NR2F1-AS1: variants seen among roughly 807,000 people sequenced by gnomAD.
NR2F1-AS1 encodes the protein NR2F1 antisense RNA 1.
At chr5:93,520,839 T>C (rs1235185406) in intron 4 of NR2F1-AS1, among the ~76,000 whole-genome samples, 2 of 152,198 alleles carry the variant, frequency 1.3e-5, no homozygotes, top group Non-Finnish European at 2.9e-5. Context: ...AAGAAAGCTG[T>C]GATTTTTCTA....
At chr5:93,583,502 A>T (rs1341173883), upstream of NR2F1-AS1, 1 of 151,316 alleles carries the variant, frequency 6.6e-6, no homozygotes, top group Non-Finnish European at 1.5e-5. Flanking sequence ...CCATTCCTGC[A>T]GAAGAGAGAG....
chr5:93,530,439 G>A (rs1211019485), intron 4 of NR2F1-AS1, among the ~76,000 whole-genome samples: 3 of 152,064 alleles, frequency 2.0e-5, no homozygotes. Context: ...CGAATCTCTG[G>A]TTCCACCAAG....
intron 1 of NR2F1-AS1, among the ~76,000 whole-genome samples, chr5:93,564,746 G>A (rs1031060099): frequency 2.0e-5 from 3 of 152,102 alleles, no homozygotes; most frequent in Non-Finnish European, 4.4e-5. Flanking sequence ...GTAAAAAGAC[G>A]CTTGTGTTTA....
At chr5:93,546,944 G>A (rs944797565) in intron 4 of NR2F1-AS1, among the ~76,000 whole-genome samples, 6 of 152,094 alleles carry the variant, frequency 3.9e-5, no homozygotes, top group African/African-American at 1.4e-4. Context: ...TAATGTGAGT[G>A]GATCTTATCC....
intron 2 of NR2F1-AS1, among the ~76,000 whole-genome samples, chr5:93,562,195 A>AAAAAAAAAAAAGAAAAGAAAAG (rs755007063): frequency 3.8e-4 from 52 of 136,620 alleles, no homozygotes; most frequent in African/African-American, 5.4e-4. Context: ...AAAAAAAAAA[A>AAAAAAAAAAAAGAAAAGAAAAG]AAAAGAAAAG....
chr5:93,534,214 C>T (rs1346441778), intron 4 of NR2F1-AS1, among the ~76,000 whole-genome samples: 1 of 152,166 alleles, frequency 6.6e-6, no homozygotes, highest in Admixed American at 6.5e-5. Context: ...ATTTGAGTCT[C>T]ACGATTACCC....
chr5:93,567,142 T>C (rs1046270988), intron 1 of NR2F1-AS1, among the ~76,000 whole-genome samples: 3 of 152,136 alleles, frequency 2.0e-5, no homozygotes, highest in Non-Finnish European at 2.9e-5. Flanking sequence ...TACAGGTAAA[T>C]TGACTTAAAG....
chr5:93,531,823 A>G (rs1253522678), intron 4 of NR2F1-AS1, among the ~76,000 whole-genome samples: 1 of 152,222 alleles, frequency 6.6e-6, no homozygotes, highest in Non-Finnish European at 1.5e-5. Flanking sequence ...ACAATAACCA[A>G]TGAACTGAAA....
intron 4 of NR2F1-AS1, among the ~76,000 whole-genome samples, chr5:93,544,194 A>G (rs1463287665): frequency 2.0e-5 from 3 of 152,220 alleles, no homozygotes; most frequent in Non-Finnish European, 4.4e-5. Flanking sequence ...GAACAAATAT[A>G]GAACATGATT....
chr5:93,457,730 C>CT (rs1410409485), intron 4 of NR2F1-AS1, among the ~76,000 whole-genome samples: 1 of 151,834 alleles, frequency 6.6e-6, no homozygotes, highest in Non-Finnish European at 1.5e-5. Flanking sequence ...TTTGTGTCAC[C>CT]TTTGTGTTCT....
intron 4 of NR2F1-AS1, among the ~76,000 whole-genome samples, chr5:93,472,498 C>A (rs1313509777): frequency 2.0e-5 from 3 of 151,694 alleles, no homozygotes; most frequent in African/African-American, 4.8e-5. Flanking sequence ...TAGCTACTCT[C>A]CATAAGCTAC....
intron 4 of NR2F1-AS1, among the ~76,000 whole-genome samples, chr5:93,475,350 G>A (rs933617857): frequency 2.0e-5 from 3 of 152,104 alleles, no homozygotes; most frequent in African/African-American, 7.2e-5. Flanking sequence ...ATGAGAAGAG[G>A]AAGGAAAGTC....
chr5:93,528,702 T>C (rs1011355027), intron 4 of NR2F1-AS1, among the ~76,000 whole-genome samples: 6 of 152,154 alleles, frequency 3.9e-5, no homozygotes, highest in East Asian at 1.9e-4. Flanking sequence ...ATATACACCA[T>C]GGAATACTAT....
rs1276342173 is a variant in NR2F1-AS1, at chr5:93,579,175, C to G, written n.313+1292G>C. Reference sequence around the variant, plus strand: ...CTCCTCGAAAAGCCTTGGTTTCTCCCCGCCCCCTCTTGTGACAGAAAGTTG... The same window carrying G: ...CTCCTCGAAAAGCCTTGGTTTCTCCGCGCCCCCTCTTGTGACAGAAAGTTG... On this transcript the variant is annotated intron_variant and non_coding_transcript_variant, in intron 1 of 5. Coordinates refer to ENST00000660523, the Ensembl canonical transcript of NR2F1-AS1. This position sits in a 1 kb window ranked among gnomAD's most constrained non-coding sequence, Gnocchi z 5.1. 6.6e-6 allele frequency among the ~76,000 whole-genome samples: 1 copy of G among 152,194 alleles called. No individual in the cohort carries two copies. Among genetic ancestry groups the G allele is most frequent in the Non-Finnish European group, 1.5e-5 (1 of 68,034 alleles).
At chr5:93,435,633 C>A (rs960575730) in intron 4 of NR2F1-AS1, among the ~76,000 whole-genome samples, 24 of 152,250 alleles carry the variant, frequency 1.6e-4, no homozygotes, top group Admixed American at 1.0e-3. Flanking sequence ...CCCACCATAC[C>A]CTCTGCCTGG....
chr5:93,563,582 G>A (rs573737909), intron 1 of NR2F1-AS1: 2 of 152,248 alleles, frequency 1.3e-5, no homozygotes, highest in African/African-American at 4.8e-5. Flanking sequence ...ACACCCTAAA[G>A]AAGCTTTCCC....
intron 4 of NR2F1-AS1, among the ~76,000 whole-genome samples, chr5:93,532,061 G>A (rs1306154498): frequency 6.6e-6 from 1 of 152,034 alleles, no homozygotes; most frequent in Non-Finnish European, 1.5e-5. Flanking sequence ...TTATAGATAA[G>A]CTCACTAATC....
In NR2F1-AS1 at chr5:93,513,570, A is replaced by G. The variant is rs1751344282; in HGVS notation, n.638+40191T>C. ...AGGCAGGAACAGAAAAACAAACACT[A>G]TATATTCTCACTTATAAGTGGGAGC... On this transcript the variant is annotated intron_variant and non_coding_transcript_variant, in intron 4 of 5. Coordinates refer to ENST00000660523, the Ensembl canonical transcript of NR2F1-AS1. 2.6e-5 allele frequency among the ~76,000 whole-genome samples: 4 copies of G among 152,214 alleles called. 1 individual carries two copies. In the South Asian group the frequency reaches 8.3e-4, roughly 32 times the overall value.
At chr5:93,486,274 T>A (rs1321455520) in intron 4 of NR2F1-AS1, among the ~76,000 whole-genome samples, 2 of 147,428 alleles carry the variant, frequency 1.4e-5, no homozygotes, top group Non-Finnish European at 1.5e-5. Flanking sequence ...AATAATAAAT[T>A]AATTAATTTT....
Sources: allele counts gnomAD v4.1 joint callset (sites outside exome capture counted in the v4.1 genomes callset), GRCh38; gene constraint gnomAD v4.1.1; non-coding constraint Gnocchi (gnomAD v3.1); transcripts MANE v1.5; gene names NCBI Gene and HGNC (gene_info 2026-07-23, HGNC 2026-07-21).